DGKI: variants seen among roughly 807,000 people sequenced by gnomAD.
DGKI encodes diacylglycerol kinase iota.
DGKI carries 55 observed loss-of-function variants against 147.5 expected under a neutral mutation model. That is an observed-to-expected ratio of 0.37 (90% CI 0.30 to 0.47). DGKI has a LOEUF of 0.47. DGKI is among the 20% of genes least tolerant of loss of function. The pLI is 1.00. For missense variants in DGKI, 1,007 were observed against 1,323.8 expected (o/e 0.76, Z 3.71); for synonymous variants, 469 against 477.1 (o/e 0.98, Z 0.22).
intron 1 of DGKI, among the ~76,000 whole-genome samples, chr7:137,743,948 A>G (rs1425154304): frequency 1.3e-5 from 2 of 150,234 alleles, no homozygotes; most frequent in African/African-American, 4.9e-5. Flanking sequence ...GCACCACTGC[A>G]CTCCAGCCTG....
chr7:137,651,971 T>G (rs991813358), intron 5 of DGKI, among the ~76,000 whole-genome samples: 1 of 151,936 alleles, frequency 6.6e-6, no homozygotes, highest in African/African-American at 2.4e-5. Context: ...ATGGGTAGAG[T>G]AGATATCAGA....
chr7:137,717,605 CAT>C (rs1255213818), intron 1 of DGKI, among the ~76,000 whole-genome samples: 13 of 152,060 alleles, frequency 8.5e-5, no homozygotes, highest in African/African-American at 3.1e-4. Context: ...TGTACATACT[CAT>C]ATAGAAATAT....
In DGKI at chr7:137,384,539, A is replaced by G. The variant is rs1265350075; in HGVS notation, c.*6681T>C. On this transcript the variant is annotated 3_prime_UTR_variant, in exon 33 of 33. Coordinates refer to ENST00000614521, the MANE Select transcript of DGKI (RefSeq NM_001321708.2). ...TTTCTAAAGACCCAGTTCTGGCTGC[A>G]GCACTATCATTTGCTATATGAATCT... 1 of 152,084 alleles carries G rather than the reference A, an allele frequency of 6.6e-6. No individual in the cohort carries two copies. Among genetic ancestry groups the G allele is most frequent in the Non-Finnish European group, 1.5e-5 (1 of 67,976 alleles). 9.4% of individuals were successfully genotyped at this position (152,084 alleles called of 1,614,324 possible).
rs781580130 is a variant in DGKI, at chr7:137,846,161, T to TCTCTCTCACACA, written c.401+300_401+301insTGTGTGAGAGAG. ...CTCTCTCTCTCTCTCTCTCTCTCTCTCACACACACACACACACACACACAC... is the reference window on the plus strand; with the variant it reads ...CTCTCTCTCTCTCTCTCTCTCTCTCTCTCTCTCACACACACACACACACACACACACACACAC... On this transcript the variant is annotated intron_variant, in intron 1 of 32. Coordinates refer to ENST00000614521, the MANE Select transcript of DGKI (RefSeq NM_001321708.2). The surrounding 1 kb of genome is among the most constrained non-coding windows in gnomAD (Gnocchi z 4.0). Among the ~76,000 whole-genome samples, 129 of 108,208 alleles carry TCTCTCTCACACA rather than the reference T, an allele frequency of 1.2e-3. 2 individuals carry two copies. Among genetic ancestry groups the TCTCTCTCACACA allele is most frequent in the Admixed American group, 3.1e-3 (29 of 9,286 alleles). 71.0% of individuals were successfully genotyped at this position (108,208 alleles called of 152,430 possible).
chr7:137,637,180 C>G (rs1821343268), intron 6 of DGKI, among the ~76,000 whole-genome samples: 1 of 152,208 alleles, frequency 6.6e-6, no homozygotes, highest in African/African-American at 2.4e-5. Flanking sequence ...CAGTTCAACA[C>G]CTCCCTCTAC....
intron 20 of DGKI, among the ~76,000 whole-genome samples, chr7:137,529,908 C>T (rs968401885): frequency 1.3e-5 from 2 of 152,094 alleles, no homozygotes; most frequent in African/African-American, 4.8e-5. Flanking sequence ...TGCCAATACA[C>T]CCAGTTAATT....
At chr7:137,651,457 T>A (rs1822023411) in intron 5 of DGKI, among the ~76,000 whole-genome samples, 1 of 152,330 alleles carries the variant, frequency 6.6e-6, no homozygotes, top group Middle Eastern at 3.4e-3. Flanking sequence ...CCATCTCATT[T>A]CCTGAGGTGC....
At chr7:137,763,708 T>C (rs1385923471) in intron 1 of DGKI, among the ~76,000 whole-genome samples, 2 of 152,264 alleles carry the variant, frequency 1.3e-5, no homozygotes, top group Admixed American at 1.3e-4. Context: ...CTTCTCTCTG[T>C]ATCTAGAATG....
intron 20 of DGKI, among the ~76,000 whole-genome samples, chr7:137,540,743 A>C (rs570392026): frequency 1.4e-5 from 2 of 145,040 alleles, no homozygotes; most frequent in Non-Finnish European, 3.0e-5. Context: ...ATTGGAAACA[A>C]ACATTTTAAA....
At chr7:137,418,225 T>C (rs1812430488) in intron 28 of DGKI, among the ~76,000 whole-genome samples, 1 of 152,220 alleles carries the variant, frequency 6.6e-6, no homozygotes, top group African/African-American at 2.4e-5. Flanking sequence ...CTTGGGCAAG[T>C]TAGTTTACCA....
chr7:137,459,868 T>C (rs1022961236), intron 27 of DGKI, among the ~76,000 whole-genome samples: 2 of 152,212 alleles, frequency 1.3e-5, no homozygotes, highest in African/African-American at 4.8e-5. Context: ...CTCTCATTTC[T>C]TTACACTGGG....
In DGKI at chr7:137,753,678, C is replaced by T. The variant is rs375752519; in HGVS notation, c.402-63676G>A. Among the ~76,000 whole-genome samples, 26 of 152,298 alleles carry T rather than the reference C, an allele frequency of 1.7e-4. No homozygotes were observed. In the South Asian group the frequency reaches 4.8e-3, roughly 28 times the overall value. On this transcript the variant is annotated intron_variant, in intron 1 of 32. Transcript: ENST00000614521. The stretch of plus-strand genomic sequence containing the variant: ...TTTGACCATAATTCAATCTTTCTCT[C>T]TCTCTTCACATTCAAAATCCAAGGT...
chr7:137,527,254 CTAT>C (rs1817183275), intron 20 of DGKI, among the ~76,000 whole-genome samples: 1 of 152,180 alleles, frequency 6.6e-6, no homozygotes, highest in African/African-American at 2.4e-5. Flanking sequence ...GTTGTTGTTA[CTAT>C]TATTATCGCC....
chr7:137,772,438 A>C (rs1332500027), intron 1 of DGKI, among the ~76,000 whole-genome samples: 2 of 152,156 alleles, frequency 1.3e-5, no homozygotes, highest in African/African-American at 2.4e-5. Flanking sequence ...AAGAGATTGC[A>C]CTTAAACTGG....
intron 28 of DGKI, among the ~76,000 whole-genome samples, chr7:137,420,147 G>A (rs1156580866): frequency 6.6e-6 from 1 of 152,170 alleles, no homozygotes; most frequent in East Asian, 1.9e-4. Context: ...GGGATTCCTG[G>A]GCTTCCCGTG....
intron 1 of DGKI, among the ~76,000 whole-genome samples, chr7:137,760,452 T>C (rs767402167): frequency 6.6e-6 from 1 of 152,170 alleles, no homozygotes; most frequent in Non-Finnish European, 1.5e-5. Flanking sequence ...CGCCCCATCT[T>C]CGTCCCCTTC....
At chr7:137,645,326 C>A in intron 6 of DGKI, 146 bp downstream of exon 6, 1 of 573,690 alleles carries the variant, frequency 1.7e-6, no homozygotes. Context: ...ACTACAATGC[C>A]TCTTAAGGAG....
intron 28 of DGKI, among the ~76,000 whole-genome samples, chr7:137,429,135 C>T (rs937018825): frequency 7.9e-5 from 12 of 152,322 alleles, no homozygotes; most frequent in African/African-American, 2.9e-4. Context: ...AGGAATCACA[C>T]TACCTGACTT....
intron 1 of DGKI, among the ~76,000 whole-genome samples, chr7:137,815,785 A>G (rs1156746007): frequency 6.6e-6 from 1 of 152,236 alleles, no homozygotes; most frequent in Non-Finnish European, 1.5e-5. Context: ...GATTAGTTCT[A>G]CAAGGGAGAA....
Sources: gnomAD v4.1 joint callset for allele counts (sites outside exome capture counted in the v4.1 genomes callset) on GRCh38, gnomAD v4.1.1 for gene constraint, Gnocchi (gnomAD v3.1) non-coding constraint, MANE v1.5 for transcripts, NCBI Gene and HGNC (gene_info 2026-07-23, HGNC 2026-07-21) for gene names.